The following CSMD1 variants were observed in gnomAD, a reference collection of about 807,000 sequenced individuals.
The protein encoded by CSMD1 is CUB and Sushi multiple domains 1.
In CSMD1, 213 loss-of-function variants were observed where a neutral mutation model predicts 417.5. That is an observed-to-expected ratio of 0.51 (90% CI 0.46 to 0.57). The LOEUF is 0.57. Ranked by LOEUF, CSMD1 falls within the 20% of genes least tolerant of loss-of-function variation. The pLI, the probability that CSMD1 is intolerant of heterozygous loss-of-function variation, is 0.00. For missense variants in CSMD1, 6,923 were observed against 4,529.7 expected (o/e 1.53, Z -15.17); for synonymous variants, 2,862 against 1,736.8 (o/e 1.65, Z -16.11).
At chr8:3,712,390 G>GAGAGAGAGAGAC (rs1475131252) in intron 6 of CSMD1, among the ~76,000 whole-genome samples, 2 of 44,538 alleles carry the variant, frequency 4.5e-5, no homozygotes, top group African/African-American at 1.5e-4. Flanking sequence ...GAGAGAGAGA[G>GAGAGAGAGAGAC]AGAGAGAGAG....
At chr8:3,786,243 G>GGGAGATGTC (rs1799451559) in intron 5 of CSMD1, among the ~76,000 whole-genome samples, 1 of 152,038 alleles carries the variant, frequency 6.6e-6, no homozygotes, top group South Asian at 2.1e-4. Flanking sequence ...AGACATTGTC[G>GGGAGATGTC]GGAGATGTCA....
intron 3 of CSMD1, among the ~76,000 whole-genome samples, chr8:4,191,036 C>G (rs754959023): frequency 6.6e-6 from 1 of 152,040 alleles, no homozygotes; most frequent in Non-Finnish European, 1.5e-5. Context: ...GTGCAACAAA[C>G]CCCCATGACA....
At chr8:3,537,890 G>A (rs1284257763) in intron 10 of CSMD1, among the ~76,000 whole-genome samples, 1 of 152,168 alleles carries the variant, frequency 6.6e-6, no homozygotes, top group Non-Finnish European at 1.5e-5. Context: ...TTTCATTGTT[G>A]ATGTTCCTTT....
intron 1 of CSMD1, among the ~76,000 whole-genome samples, chr8:4,776,112 C>T (rs564620924): frequency 5.4e-4 from 82 of 152,128 alleles, no homozygotes; most frequent in African/African-American, 1.9e-3. Flanking sequence ...GCCCAGATTG[C>T]CAGGACAATC....
intron 10 of CSMD1, among the ~76,000 whole-genome samples, chr8:3,536,144 C>T (rs769291274): frequency 1.1e-4 from 16 of 152,202 alleles, no homozygotes; most frequent in Non-Finnish European, 2.1e-4. Context: ...TCCGGATCAT[C>T]AACTGTCATT....
intron 1 of CSMD1, among the ~76,000 whole-genome samples, chr8:4,912,105 A>G (rs1245237227): frequency 7.8e-6 from 1 of 128,738 alleles, no homozygotes; most frequent in Non-Finnish European, 1.6e-5. Context: ...GTACTTTTCT[A>G]GTGCTCAACA....
At chr8:3,148,834 C>T (rs1819011485) in intron 40 of CSMD1, among the ~76,000 whole-genome samples, 2 of 152,222 alleles carry the variant, frequency 1.3e-5, no homozygotes, top group Admixed American at 6.5e-5. Context: ...GTATCTATTA[C>T]TGTTTAGAGG....
chr8:4,462,553 G>T (rs1799900425), intron 2 of CSMD1, among the ~76,000 whole-genome samples: 1 of 151,952 alleles, frequency 6.6e-6, no homozygotes, highest in African/African-American at 2.4e-5. Flanking sequence ...CTTTAAAAAA[G>T]AAAAATTTCA....
At chr8:3,920,505 T>A (rs1489696232) in intron 5 of CSMD1, among the ~76,000 whole-genome samples, 1 of 152,134 alleles carries the variant, frequency 6.6e-6, no homozygotes, top group Non-Finnish European at 1.5e-5. Context: ...GCTAGGACTT[T>A]CAGTACTATA....
chr8:4,821,456 G>A (rs1009524669), intron 1 of CSMD1, among the ~76,000 whole-genome samples: 2 of 152,102 alleles, frequency 1.3e-5, no homozygotes, highest in Admixed American at 6.6e-5. Context: ...ATACTACGCA[G>A]TAAGACAGTA....
chr8:3,984,755 G>C (rs1466157722), intron 5 of CSMD1, among the ~76,000 whole-genome samples: 5 of 109,394 alleles, frequency 4.6e-5, no homozygotes, highest in Admixed American at 3.8e-4. Context: ...ATATATATTT[G>C]TATGTATTTG....
At chr8:4,369,730 C>A (rs141810669) in intron 3 of CSMD1, among the ~76,000 whole-genome samples, 1 of 152,010 alleles carries the variant, frequency 6.6e-6, no homozygotes, top group African/African-American at 2.4e-5. Context: ...GTTTAAAGAT[C>A]GTTTTCTCTA....
intron 5 of CSMD1, among the ~76,000 whole-genome samples, chr8:3,988,484 C>T (rs565471943): frequency 1.6e-4 from 25 of 152,296 alleles, no homozygotes; most frequent in African/African-American, 5.8e-4. Context: ...CTCTGGAGCA[C>T]GGAACAGCAG....
At chr8:4,161,318 G>A (rs1261394809) in intron 3 of CSMD1, among the ~76,000 whole-genome samples, 1 of 152,192 alleles carries the variant, frequency 6.6e-6, no homozygotes, top group African/African-American at 2.4e-5. Flanking sequence ...AACAGTAAGT[G>A]ACAGAATTAG....
chr8:3,744,749 A>C (rs1008995651), intron 6 of CSMD1, among the ~76,000 whole-genome samples: 1 of 152,208 alleles, frequency 6.6e-6, no homozygotes, highest in Non-Finnish European at 1.5e-5. Context: ...GCATTAGGGT[A>C]ATGTAGGTAC....
chr8:3,984,216 G>A (rs1266224843), intron 5 of CSMD1, among the ~76,000 whole-genome samples: 3 of 137,704 alleles, frequency 2.2e-5, no homozygotes, highest in Non-Finnish European at 3.2e-5. Context: ...CCAGCCACCT[G>A]CACAGTGAAG....
chr8:3,148,870 T>C (rs766108202), intron 40 of CSMD1, among the ~76,000 whole-genome samples: 1 of 152,232 alleles, frequency 6.6e-6, no homozygotes, highest in African/African-American at 2.4e-5. Context: ...CAGGCAAACC[T>C]GGTGCGTTAC....
chr8:4,056,051 A>C (rs1023680777), intron 3 of CSMD1, among the ~76,000 whole-genome samples: 1 of 149,682 alleles, frequency 6.7e-6, no homozygotes, highest in African/African-American at 2.5e-5. Flanking sequence ...CTCAACCCTG[A>C]ATCTCTGTTT....
intron 12 of CSMD1, among the ~76,000 whole-genome samples, chr8:3,452,238 A>G (rs200325770): frequency 6.6e-6 from 1 of 152,138 alleles, no homozygotes; most frequent in Non-Finnish European, 1.5e-5. Flanking sequence ...GGGTTTTCTA[A>G]ATATACAATC....
Sources: gnomAD v4.1 joint callset for allele counts (sites outside exome capture counted in the v4.1 genomes callset) on GRCh38, gnomAD v4.1.1 for gene constraint, MANE v1.5 for transcripts, NCBI Gene and HGNC (gene_info 2026-07-23, HGNC 2026-07-21) for gene names.